SVIL: variants seen among roughly 807,000 people sequenced by gnomAD.
The protein encoded by SVIL is supervillin, also known as archvillin.
Under a neutral mutation model 240.4 loss-of-function variants are expected in SVIL, and 101 were observed. The observed-to-expected ratio is 0.42, with a 90% CI of 0.36 to 0.50. SVIL has a LOEUF of 0.50. Among genes scored for constraint, SVIL ranks in the 20% least tolerant of loss-of-function variants. The probability of loss-of-function intolerance (pLI) is 0.01; values close to 1 mark genes in which losing one functional copy is unlikely to be tolerated. For missense variants in SVIL, 2,512 were observed against 2,818.7 expected (o/e 0.89, Z 2.46); for synonymous variants, 999 against 1,100.0 (o/e 0.91, Z 1.82).
At chr10:29,545,378 T>A (rs935614946) in intron 6 of SVIL, among the ~76,000 whole-genome samples, 2 of 152,042 alleles carry the variant, frequency 1.3e-5, no homozygotes, top group Non-Finnish European at 2.9e-5. Context: ...CAAACCATCA[T>A]CCACCAATGG....
intron 34 of SVIL, among the ~76,000 whole-genome samples, chr10:29,465,019 A>G (rs1265934604): frequency 6.6e-6 from 1 of 152,174 alleles, no homozygotes; most frequent in Non-Finnish European, 1.5e-5. Flanking sequence ...AACTTAGCCA[A>G]TACCCCAACA....
At chr10:29,571,405 C>G (rs984996017) in intron 1 of SVIL, among the ~76,000 whole-genome samples, 26 of 152,314 alleles carry the variant, frequency 1.7e-4, no homozygotes, top group Admixed American at 1.6e-3. Flanking sequence ...CTTCCTCTCC[C>G]TACGGACACA....
intron 16 of SVIL, among the ~76,000 whole-genome samples, chr10:29,519,244 C>T (rs1301472458): frequency 2.0e-5 from 3 of 152,162 alleles, no homozygotes; most frequent in African/African-American, 7.2e-5. Flanking sequence ...TTAGAGCACA[C>T]GGGGTTGGCT....
intron 29 of SVIL, among the ~76,000 whole-genome samples, chr10:29,477,905 T>A (rs1351338735): frequency 2.6e-5 from 4 of 152,256 alleles, no homozygotes; most frequent in African/African-American, 2.4e-5. Context: ...CATGAAAGTC[T>A]GAACTCTTCG....
intron 2 of SVIL, among the ~76,000 whole-genome samples, chr10:29,568,851 G>A (rs947071295): frequency 6.6e-6 from 1 of 151,898 alleles, no homozygotes; most frequent in Non-Finnish European, 1.5e-5. Context: ...GTATGTGTGT[G>A]TGTCTATGGA....
At chr10:29,698,443 T>C (rs1198190729) in intron 1 of SVIL, among the ~76,000 whole-genome samples, 1 of 137,002 alleles carries the variant, frequency 7.3e-6, no homozygotes, top group Non-Finnish European at 1.6e-5. Context: ...CAGAACACAC[T>C]TGGCAGATGG....
chr10:29,610,892 C>T (rs1047293041), intron 1 of SVIL, among the ~76,000 whole-genome samples: 4 of 152,150 alleles, frequency 2.6e-5, no homozygotes, highest in Admixed American at 2.6e-4. Context: ...TTTAGGTGCA[C>T]TCTCGCTCAT....
At chr10:29,706,865 A>C (rs1448310107) in intron 1 of SVIL, among the ~76,000 whole-genome samples, 1 of 152,232 alleles carries the variant, frequency 6.6e-6, no homozygotes, top group Non-Finnish European at 1.5e-5. Context: ...ATGGCTAGCC[A>C]GTTTTCCCAG....
intron 6 of SVIL, among the ~76,000 whole-genome samples, chr10:29,540,408 T>G (rs1952059747): frequency 6.6e-6 from 1 of 152,172 alleles, no homozygotes; most frequent in Non-Finnish European, 1.5e-5. Context: ...ATGGAATGAT[T>G]AACTGATGAA....
intron 35 of SVIL, 80 bp from the exon 36 acceptor site, chr10:29,462,481 C>T: frequency 6.4e-7 from 1 of 1,551,668 alleles, no homozygotes; most frequent in Non-Finnish European, 8.7e-7. Flanking sequence ...ATCTTTTCTT[C>T]TTTGCCAGAA....
intron 17 of SVIL, 94 bp downstream of exon 17, chr10:29,512,641 C>CA: frequency 6.2e-7 from 1 of 1,603,132 alleles, no homozygotes; most frequent in South Asian, 1.1e-5. Context: ...AAATGCTTCA[C>CA]AGAGTAGGAA....
intron 23 of SVIL, among the ~76,000 whole-genome samples, chr10:29,487,966 A>T (rs576081301): frequency 6.6e-6 from 1 of 152,216 alleles, no homozygotes; most frequent in African/African-American, 2.4e-5. Flanking sequence ...TCCTGGAGGG[A>T]GAGGATATTT....
At chr10:29,708,345 G>A (rs981442692) in intron 1 of SVIL, among the ~76,000 whole-genome samples, 4 of 151,356 alleles carry the variant, frequency 2.6e-5, no homozygotes, top group Non-Finnish European at 4.4e-5. Context: ...TTTTGGCCAC[G>A]TGCGTTAGCT....
At chr10:29,695,813 C>G (rs980778035) in intron 1 of SVIL, among the ~76,000 whole-genome samples, 4 of 139,482 alleles carry the variant, frequency 2.9e-5, no homozygotes. Flanking sequence ...TCCCGTCTCC[C>G]TCTCCCGTCT....
Position 29,667,728 on chromosome 10 carries a change from G to A in SVIL, c.-300-9660C>T, listed in dbSNP as rs535898373. On this transcript the variant is annotated intron_variant, in intron 2 of 35. Transcript: ENST00000375400. The stretch of plus-strand genomic sequence containing the variant: ...AGCCAGGTGTGGTGGTGCAGTGTGC[G>A]CCTACTGTCCTAGCTACTCAGGAGG... Among the ~76,000 whole-genome samples, 73 of 151,968 alleles carry A rather than the reference G, an allele frequency of 4.8e-4. No individual in the cohort carries two copies. The Middle Eastern group carries it at 0.01, about 21-fold the overall frequency.
chr10:29,701,360 G>C (rs1243290208), intron 1 of SVIL, among the ~76,000 whole-genome samples: 2 of 152,060 alleles, frequency 1.3e-5, no homozygotes, highest in African/African-American at 4.8e-5. Flanking sequence ...AAAAACTCTT[G>C]AGTTCCATCT....
At chr10:29,688,843 A>G (rs1263281002) in intron 1 of SVIL, among the ~76,000 whole-genome samples, 3 of 152,210 alleles carry the variant, frequency 2.0e-5, no homozygotes, top group African/African-American at 7.2e-5. Context: ...GCTATTAGGA[A>G]AGGTAAATGT....
At position 29,702,491 on chromosome 10, in the gene SVIL, C is replaced by A. The variant is rs536157880; in HGVS notation, c.-399-15840G>T. On this transcript the variant is annotated intron_variant, in intron 1 of 35. Transcript: ENST00000375400. Reference sequence around the variant, plus strand: ...CTGTGTTTCTGAGCTCACTCAGCTACTCCCTGGATACTGAGCAAAGCTGCA... The same window carrying A: ...CTGTGTTTCTGAGCTCACTCAGCTAATCCCTGGATACTGAGCAAAGCTGCA... Among the ~76,000 whole-genome samples the A allele has an allele frequency of 3.3e-5, 5 of 152,298 alleles. No individual in the cohort carries two copies. The South Asian group carries it at 1.0e-3, about 32-fold the overall frequency.
intron 1 of SVIL, among the ~76,000 whole-genome samples, chr10:29,580,407 T>C (rs1383939165): frequency 6.6e-6 from 1 of 151,918 alleles, no homozygotes; most frequent in East Asian, 1.9e-4. Flanking sequence ...CACAACAAAA[T>C]CAAAGAGGGA....
Sources: gnomAD v4.1 joint callset for allele counts (sites outside exome capture counted in the v4.1 genomes callset) on GRCh38, gnomAD v4.1.1 for gene constraint, MANE v1.5 for transcripts, NCBI Gene and HGNC (gene_info 2026-07-23, HGNC 2026-07-21) for gene names.